The following RSPO4 variants were observed in gnomAD, a reference collection of about 807,000 sequenced individuals.
RSPO4 encodes the protein R-spondin-4.
RSPO4 carries 23 observed loss-of-function variants against 24.8 expected under a neutral mutation model. That is an observed-to-expected ratio of 0.93 (90% CI 0.67 to 1.31). The LOEUF (loss-of-function observed/expected upper bound fraction) is 1.31. Ranked by LOEUF, RSPO4 falls within the 40% of genes most tolerant of loss-of-function variation. The pLI, the probability that RSPO4 is intolerant of heterozygous loss-of-function variation, is 0.00. For synonymous variants in RSPO4, 141 were observed against 127.4 expected (o/e 1.11, Z -0.72); for missense variants, 333 against 316.5 (o/e 1.05, Z -0.39).
At chr20:964,177 G>T in intron 3 of RSPO4, 57 bp from the exon 4 acceptor site, 2 of 1,458,202 alleles carry the variant, frequency 1.4e-6, no homozygotes, top group Non-Finnish European at 1.9e-6. Context: ...CGGCAGTGAG[G>T]GTCCTTCAGA....
At chr20:988,791 T>C (rs1985002288) in intron 1 of RSPO4, among the ~76,000 whole-genome samples, 1 of 152,082 alleles carries the variant, frequency 6.6e-6, no homozygotes, top group East Asian at 1.9e-4. Context: ...CCTCAAGTGA[T>C]CCACCCGACT....
At position 973,780 on chromosome 20, in the gene RSPO4, C is replaced by A. The variant is rs578187554; in HGVS notation, c.80-5642G>T. ...CTCCCAGGCCTCATAGAGTGCTGGC[C>A]CACTGGATGGTGCTTAGCATCCTTC... is the stretch of plus-strand genomic sequence containing the variant. On this transcript the variant is annotated intron_variant, in intron 1 of 4. Transcript: ENST00000217260. Among the ~76,000 whole-genome samples the A allele has an allele frequency of 2.0e-5, 3 of 152,260 alleles. No individual in the cohort carries two copies. The East Asian group carries it at 5.8e-4, about 29-fold the overall frequency.
chr20:973,459 A>ATTGTTTTATTGT (rs1984471465), intron 1 of RSPO4, among the ~76,000 whole-genome samples: 1 of 150,522 alleles, frequency 6.6e-6, no homozygotes, highest in Non-Finnish European at 1.5e-5. Context: ...TGTTTGTTTT[A>ATTGTTTTATTGT]TTGTTTGTTT....
chr20:968,195 A>C, intron 1 of RSPO4, 57 bp from the exon 2 acceptor site: 1 of 1,526,288 alleles, frequency 6.6e-7, no homozygotes, highest in Non-Finnish European at 9.1e-7. Context: ...TGGTCAAACC[A>C]TATATGCGAG....
Position 968,102 on chromosome 20 carries a change from A to T in RSPO4, c.116T>A (p.Ile39Asn), listed in dbSNP as rs1271401983. The stretch of plus-strand genomic sequence containing the variant: ...ACAGCCGTTCTCCTCTGAGCAGATG[A>T]TACAGCCTGTGCAGTTGCCCCCCAG... ...TGLGGNCTGC[I>N]ICSEENGCST... is the part of the protein sequence containing the mutation. The change falls in exon 2 of 5, where the codon ATC (isoleucine) becomes AAC (asparagine). Residue 39 changes from isoleucine (I) to asparagine (N), a missense_variant. Coordinates refer to ENST00000217260, the MANE Select transcript of RSPO4 (RefSeq NM_001029871.4). 6.2e-7 allele frequency: 1 copy of T among 1,614,052 alleles called. No homozygotes were observed. The highest frequency in any genetic ancestry group is 8.5e-7 in the Non-Finnish European group (1 of 1,180,042).
At chr20:977,051 T>C (rs964486083) in intron 1 of RSPO4, among the ~76,000 whole-genome samples, 1 of 152,224 alleles carries the variant, frequency 6.6e-6, no homozygotes, top group Non-Finnish European at 1.5e-5. Context: ...AGCTGCCCTA[T>C]GTTATCATCC....
intron 1 of RSPO4, among the ~76,000 whole-genome samples, chr20:978,066 C>T (rs568362786): frequency 2.0e-4 from 30 of 152,256 alleles, no homozygotes; most frequent in Middle Eastern, 6.8e-3. Flanking sequence ...GAGATGACTC[C>T]CAGCTTAGAG....
At chr20:996,618 T>G (rs1399714591) in intron 1 of RSPO4, among the ~76,000 whole-genome samples, 2 of 152,180 alleles carry the variant, frequency 1.3e-5, no homozygotes, top group African/African-American at 4.8e-5. Context: ...ATTCTTAGCT[T>G]GAAGGCCATA....
chr20:978,810 A>G (rs1014878284), intron 1 of RSPO4, among the ~76,000 whole-genome samples: 6 of 151,628 alleles, frequency 4.0e-5, no homozygotes, highest in African/African-American at 1.5e-4. Flanking sequence ...TTTCTAAGAG[A>G]GGTGAGTACA....
In RSPO4 at chr20:964,128, G is replaced by T; in HGVS notation, c.410-8C>A. ...GACCCAGTTCACACTCCCCTGTGGG[G>T]TGAAAGGAGAGACAGACAGACAGAC... On this transcript the variant is annotated splice_region_variant and splice_polypyrimidine_tract_variant and intron_variant, in intron 3 of 4. Coordinates refer to ENST00000217260, the MANE Select transcript of RSPO4 (RefSeq NM_001029871.4). 1 of 1,605,202 alleles carries T rather than the reference G, an allele frequency of 6.2e-7. No individual in the cohort carries two copies. Among genetic ancestry groups the T allele is most frequent in the Non-Finnish European group, 8.5e-7 (1 of 1,174,414 alleles).
In RSPO4 at chr20:1,002,220, CCA is replaced by C; in HGVS notation, c.-58_-57del. 7.7e-7 allele frequency: 1 copy of C among 1,294,164 alleles called. No individual in the cohort carries two copies. The highest frequency in any genetic ancestry group is 1.0e-6 in the Non-Finnish European group (1 of 993,418). 80.2% of individuals were successfully genotyped at this position (1,294,164 alleles called of 1,614,324 possible). A position where few individuals can be genotyped will look rare whatever the true frequency, so the allele number is the denominator to read the frequency against. ...CAGGCGGCCCGACGGCCCAAGGGCC[CCA>C]CGTCCCGGCGGCGGCACGGCGGGCG... On this transcript the variant is annotated 5_prime_UTR_variant, in exon 1 of 5. Coordinates refer to ENST00000217260, the MANE Select transcript of RSPO4 (RefSeq NM_001029871.4). This position sits in a 1 kb window ranked among gnomAD's most constrained non-coding sequence, Gnocchi z 4.6.
At position 970,398 on chromosome 20, in the gene RSPO4, A is replaced by C. The variant is rs547467544; in HGVS notation, c.80-2260T>G. Among the ~76,000 whole-genome samples, 179 of 152,224 alleles carry C rather than the reference A, an allele frequency of 1.2e-3. 1 individual carries two copies. The highest frequency in any genetic ancestry group is 3.9e-3 in the African/African-American group (164 of 41,530). ...GCTGATAACCCTCTTTCTGTTGCTT[A>C]TAACTCAGGAGGCTTACTGATCCAG... is the stretch of plus-strand genomic sequence containing the variant. On this transcript the variant is annotated intron_variant, in intron 1 of 4. Transcript: ENST00000217260. This position sits in a 1 kb window ranked among gnomAD's most constrained non-coding sequence, Gnocchi z 4.1.
At chr20:1,001,079 T>C (rs1349513194) in intron 1 of RSPO4, among the ~76,000 whole-genome samples, 3 of 152,218 alleles carry the variant, frequency 2.0e-5, no homozygotes, top group Non-Finnish European at 4.4e-5. Context: ...AATTCAGCAG[T>C]TATTTAAACC....
In RSPO4 at chr20:981,331, C is replaced by G. The variant is rs1469480538; in HGVS notation, c.80-13193G>C. On this transcript the variant is annotated intron_variant, in intron 1 of 4. Coordinates refer to ENST00000217260, the MANE Select transcript of RSPO4 (RefSeq NM_001029871.4). The surrounding 1 kb of genome is among the most constrained non-coding windows in gnomAD (Gnocchi z 4.6). ...TAGGAGGCCCGGAGTTCGAGACCAG[C>G]CTGGCCAACATGGCAAAACCCCGTC... Among the ~76,000 whole-genome samples, 4 of 152,116 alleles carry G rather than the reference C, an allele frequency of 2.6e-5. No individual in the cohort carries two copies. The highest frequency in any genetic ancestry group is 5.9e-5 in the Non-Finnish European group (4 of 68,024).
At chr20:977,701 A>G (rs1192037092) in intron 1 of RSPO4, among the ~76,000 whole-genome samples, 4 of 152,094 alleles carry the variant, frequency 2.6e-5, no homozygotes, top group African/African-American at 7.2e-5. Context: ...TGAACTAAGG[A>G]TTTAATACAG....
chr20:978,870 C>G (rs557700871), intron 1 of RSPO4, among the ~76,000 whole-genome samples: 1 of 152,070 alleles, frequency 6.6e-6, no homozygotes, highest in South Asian at 2.1e-4. Flanking sequence ...GAGCAAGGAG[C>G]AGATGGCAAA....
At chr20:990,469 C>A (rs1347808866) in intron 1 of RSPO4, among the ~76,000 whole-genome samples, 1 of 150,002 alleles carries the variant, frequency 6.7e-6, no homozygotes. Context: ...CTTTTTCCTT[C>A]CTTCCTTCCT....
chr20:962,031 GCCAT>G (rs1391572434), intron 4 of RSPO4, among the ~76,000 whole-genome samples: 4 of 151,992 alleles, frequency 2.6e-5, no homozygotes, highest in African/African-American at 9.7e-5. Flanking sequence ...TGTGCATTCA[GCCAT>G]CCATCCACTC....
chr20:990,087 G>T (rs1361859299), intron 1 of RSPO4, among the ~76,000 whole-genome samples: 1 of 152,224 alleles, frequency 6.6e-6, no homozygotes, highest in Non-Finnish European at 1.5e-5. Flanking sequence ...CACAGGAGGA[G>T]CCAGGAGGAA....
Sources: allele counts gnomAD v4.1 joint callset (sites outside exome capture counted in the v4.1 genomes callset), GRCh38; gene constraint gnomAD v4.1.1; non-coding constraint Gnocchi (gnomAD v3.1); transcripts MANE v1.5; gene names NCBI Gene and HGNC (gene_info 2026-07-23, HGNC 2026-07-21).